TANC2: variants seen among roughly 807,000 people sequenced by gnomAD.
The protein encoded by TANC2 is protein TANC2.
A neutral mutation model predicts 210.5 loss-of-function variants in TANC2; 26 were observed. That is an observed-to-expected ratio of 0.12 (90% CI 0.09 to 0.17). The LOEUF is 0.17. TANC2 is among the 10% of genes least tolerant of loss of function. The pLI, the probability that TANC2 is intolerant of heterozygous loss-of-function variation, is 1.00. For missense variants in TANC2, 2,129 were observed against 2,608.9 expected, an observed-to-expected ratio of 0.82 and a Z score of 4.01; for synonymous variants, 931 against 967.1, an observed-to-expected ratio of 0.96 and a Z score of 0.69.
At chr17:63,005,789 G>A (rs1460491408) in intron 1 of TANC2, among the ~76,000 whole-genome samples, 1 of 151,860 alleles carries the variant, frequency 6.6e-6, no homozygotes, top group African/African-American at 2.4e-5. Context: ...GTGTGGGGAA[G>A]TATTTCCTTT....
chr17:63,187,319 T>C (rs1325611641), intron 5 of TANC2, among the ~76,000 whole-genome samples: 1 of 152,196 alleles, frequency 6.6e-6, no homozygotes, highest in Non-Finnish European at 1.5e-5. Context: ...ATTTTCGTTA[T>C]TTGTAAAGTA....
At chr17:63,218,113 G>A (rs2042072113) in intron 7 of TANC2, among the ~76,000 whole-genome samples, 1 of 152,022 alleles carries the variant, frequency 6.6e-6, no homozygotes, top group Non-Finnish European at 1.5e-5. Flanking sequence ...GTGAGATCCT[G>A]TCTCTACAAA....
chr17:63,297,690 C>A (rs1205115798), intron 9 of TANC2, among the ~76,000 whole-genome samples: 2 of 151,952 alleles, frequency 1.3e-5, no homozygotes, highest in African/African-American at 4.8e-5. Flanking sequence ...TGAGGAACAG[C>A]AGTAACCAAA....
intron 16 of TANC2, 145 bp downstream of exon 16, chr17:63,388,902 T>C: frequency 1.6e-6 from 1 of 615,762 alleles, no homozygotes; most frequent in Non-Finnish European, 2.5e-6. Flanking sequence ...TTTTAAATTG[T>C]TAAATTTTAT....
chr17:63,245,782 G>T (rs2042899493), intron 8 of TANC2, among the ~76,000 whole-genome samples: 1 of 151,198 alleles, frequency 6.6e-6, no homozygotes, highest in Admixed American at 6.6e-5. Context: ...GGTGGAGGTT[G>T]CAGTGAGCTG....
chr17:62,999,771 A>G (rs910125696), intron 1 of TANC2, among the ~76,000 whole-genome samples: 1 of 152,230 alleles, frequency 6.6e-6, no homozygotes, highest in Non-Finnish European at 1.5e-5. Flanking sequence ...TTGTTCTACC[A>G]AAAACGCATG....
intron 2 of TANC2, among the ~76,000 whole-genome samples, chr17:63,050,075 G>A (rs951561740): frequency 1.3e-5 from 2 of 152,072 alleles, no homozygotes; most frequent in African/African-American, 4.8e-5. Context: ...AATGAGGCTG[G>A]GCACAGTGGC....
intron 8 of TANC2, among the ~76,000 whole-genome samples, chr17:63,255,238 A>G (rs1039350940): frequency 6.6e-6 from 1 of 151,590 alleles, no homozygotes; most frequent in Non-Finnish European, 1.5e-5. Context: ...CCGAGCAGCT[A>G]GGACTACAGG....
intron 3 of TANC2, among the ~76,000 whole-genome samples, chr17:63,090,482 T>C (rs1376554116): frequency 6.6e-6 from 1 of 152,088 alleles, no homozygotes; most frequent in Non-Finnish European, 1.5e-5. Context: ...CTTGCAATAG[T>C]TTGCTCAGAA....
At chr17:63,124,073 G>A (rs2038608962) in intron 4 of TANC2, among the ~76,000 whole-genome samples, 1 of 152,126 alleles carries the variant, frequency 6.6e-6, no homozygotes, top group Non-Finnish European at 1.5e-5. Context: ...GAATTTACGA[G>A]GAATTTTCAT....
intron 9 of TANC2, among the ~76,000 whole-genome samples, chr17:63,284,919 C>T (rs1019274600): frequency 2.6e-5 from 4 of 151,892 alleles, no homozygotes; most frequent in African/African-American, 4.8e-5. Flanking sequence ...GTTATTAGAG[C>T]GTGTATTTAG....
Position 63,376,903 on chromosome 17 carries a change from C to T in TANC2, c.2583-2815C>T, listed in dbSNP as rs562502633. On this transcript the variant is annotated intron_variant, in intron 14 of 27. Coordinates refer to ENST00000689528, the Ensembl canonical transcript of TANC2. Reference sequence around the variant, plus strand: ...CACAATCTCAGCTCACTGCAAGCTCCGCCTCCCAGGTTCATGCCATTCTCC... The same window carrying T: ...CACAATCTCAGCTCACTGCAAGCTCTGCCTCCCAGGTTCATGCCATTCTCC... 2.2e-3 allele frequency among the ~76,000 whole-genome samples: 332 copies of T among 151,564 alleles called. 1 individual carries two copies. The highest frequency in any genetic ancestry group is 3.8e-3 in the Non-Finnish European group (260 of 67,884).
At chr17:63,351,128 C>A in intron 12 of TANC2, 122 bp from the exon 13 acceptor site, 4 of 866,166 alleles carry the variant, frequency 4.6e-6, no homozygotes, top group Non-Finnish European at 7.0e-6. Context: ...CCTGAGCATT[C>A]ACTAAACACA....
chr17:63,364,084 CT>C (rs1460035518), intron 14 of TANC2, among the ~76,000 whole-genome samples: 4 of 152,168 alleles, frequency 2.6e-5, no homozygotes, highest in African/African-American at 9.7e-5. Context: ...TTCTAACCCC[CT>C]ATTGGCATCA....
chr17:63,233,544 C>T (rs140606826), intron 7 of TANC2, among the ~76,000 whole-genome samples: 279 of 152,334 alleles, frequency 1.8e-3, no homozygotes, highest in East Asian at 7.7e-3. Context: ...CCATGGCTCA[C>T]GCCAACTGCC....
rs1277816642 is a variant in TANC2 at position 63,249,248 on chromosome 17, C to A, written c.1033+11171C>A. On this transcript the variant is annotated intron_variant, in intron 8 of 27. Transcript: ENST00000689528. ...GAATATAAACTTAGCTGTTCATACACCTTTAAATTAAAATTCTAAAATATT... is the reference window on the plus strand; with the variant it reads ...GAATATAAACTTAGCTGTTCATACAACTTTAAATTAAAATTCTAAAATATT... Among the ~76,000 whole-genome samples the A allele has an allele frequency of 2.0e-5, 3 of 152,100 alleles. No individual in the cohort carries two copies. The East Asian group carries it at 5.8e-4, about 29-fold the overall frequency.
chr17:63,204,092 T>G (rs1200570440), intron 7 of TANC2, among the ~76,000 whole-genome samples: 2 of 145,212 alleles, frequency 1.4e-5, no homozygotes, highest in Non-Finnish European at 3.1e-5. Flanking sequence ...GGTGTGTGGA[T>G]TCATTCATTT....
intron 7 of TANC2, among the ~76,000 whole-genome samples, chr17:63,221,285 T>C (rs969208883): frequency 5.3e-5 from 8 of 151,192 alleles, no homozygotes; most frequent in African/African-American, 1.7e-4. Context: ...AATAAAAAAA[T>C]TAGCCAGGCG....
At chr17:63,241,672 T>C (rs1011997418) in intron 8 of TANC2, among the ~76,000 whole-genome samples, 1 of 152,174 alleles carries the variant, frequency 6.6e-6, no homozygotes, top group Admixed American at 6.5e-5. Context: ...TACCCTGGCG[T>C]TGGATTCAAG....
Sources: gnomAD v4.1 joint callset for allele counts (sites outside exome capture counted in the v4.1 genomes callset) on GRCh38, gnomAD v4.1.1 for gene constraint, MANE v1.5 for transcripts, NCBI Gene and HGNC (gene_info 2026-07-23, HGNC 2026-07-21) for gene names.